The following MEI4 variants were observed in gnomAD, a reference collection of about 807,000 sequenced individuals.
The protein encoded by MEI4 is meiotic double-stranded break formation protein 4.
In MEI4, 27 loss-of-function variants were observed where a neutral mutation model predicts 31.4. That is an observed-to-expected ratio of 0.86 (90% confidence interval 0.63 to 1.19). MEI4 has a LOEUF of 1.19. MEI4 is among the 50% of genes most tolerant of loss of function. The pLI, the probability that MEI4 is intolerant of heterozygous loss-of-function variation, is 0.00. For missense variants in MEI4, 329 were observed against 398.9 expected (o/e 0.82, Z 1.49); for synonymous variants, 122 against 145.4 (o/e 0.84, Z 1.16).
chr6:77,751,134 G>A (rs757208996), intron 2 of MEI4, among the ~76,000 whole-genome samples: 1 of 151,994 alleles, frequency 6.6e-6, no homozygotes, highest in African/African-American at 2.4e-5. Context: ...AGAGAGAAAT[G>A]TATAGCACTA....
intron 2 of MEI4, among the ~76,000 whole-genome samples, chr6:77,694,410 C>A (rs1769218158): frequency 6.6e-6 from 1 of 151,360 alleles, no homozygotes; most frequent in Non-Finnish European, 1.5e-5. Context: ...TATCCCTCCC[C>A]CTTCCCCCCA....
At chr6:77,867,386 C>A (rs191154768) in intron 4 of MEI4, among the ~76,000 whole-genome samples, 53 of 152,022 alleles carry the variant, frequency 3.5e-4, no homozygotes, top group South Asian at 1.2e-3. Context: ...AAGAAATAAC[C>A]CCATCAACAA....
At chr6:77,910,527 A>G (rs1280298816) in intron 4 of MEI4, among the ~76,000 whole-genome samples, 5 of 152,228 alleles carry the variant, frequency 3.3e-5, no homozygotes, top group East Asian at 1.9e-4. Flanking sequence ...AAGGAGAACT[A>G]GAAACAACTG....
At chr6:77,915,729 C>G (rs1766530230) in intron 4 of MEI4, among the ~76,000 whole-genome samples, 1 of 151,864 alleles carries the variant, frequency 6.6e-6, no homozygotes, top group South Asian at 2.1e-4. Context: ...ATGTAATATA[C>G]AGTAGGGAAG....
At chr6:77,910,331 T>C (rs1766403798) in intron 4 of MEI4, among the ~76,000 whole-genome samples, 1 of 152,138 alleles carries the variant, frequency 6.6e-6, no homozygotes, top group Non-Finnish European at 1.5e-5. Flanking sequence ...CCCAAAATCT[T>C]CTTAAGCTGA....
chr6:77,908,796 C>A (rs983148803), intron 4 of MEI4, among the ~76,000 whole-genome samples: 7 of 152,062 alleles, frequency 4.6e-5, no homozygotes, highest in Admixed American at 4.6e-4. Flanking sequence ...ACAAGAAGAG[C>A]TAACTCTCCT....
intron 3 of MEI4, among the ~76,000 whole-genome samples, chr6:77,807,131 T>C (rs1301525870): frequency 1.4e-5 from 2 of 145,828 alleles, no homozygotes; most frequent in African/African-American, 5.2e-5. Flanking sequence ...TCTTTGGAAA[T>C]AGGTGTGCTT....
chr6:77,916,462 G>A (rs138841776), intron 4 of MEI4, among the ~76,000 whole-genome samples: 3 of 152,010 alleles, frequency 2.0e-5, no homozygotes, highest in Non-Finnish European at 4.4e-5. Flanking sequence ...GGCACATGGT[G>A]TTGGTTAGTT....
intron 1 of MEI4, among the ~76,000 whole-genome samples, chr6:77,686,096 AC>A (rs1459135234): frequency 1.3e-5 from 2 of 152,090 alleles, no homozygotes; most frequent in Non-Finnish European, 2.9e-5. Context: ...CATGTGACAC[AC>A]TAGCTCCCTG....
intron 4 of MEI4, among the ~76,000 whole-genome samples, chr6:77,866,134 G>A (rs1771021095): frequency 1.3e-5 from 2 of 151,872 alleles, no homozygotes; most frequent in African/African-American, 4.9e-5. Flanking sequence ...TACTGAATGG[G>A]CAAAAACTGG....
intron 4 of MEI4, among the ~76,000 whole-genome samples, chr6:77,868,589 A>C (rs2063601): frequency 0.82 from 116,416 of 141,144 alleles, 48,544 homozygotes; most frequent in East Asian, 0.95. Context: ...AAACTCCCCT[A>C]TTGATTCTCC....
intron 3 of MEI4, among the ~76,000 whole-genome samples, chr6:77,813,226 A>AT (rs1769614971): frequency 6.6e-6 from 1 of 152,044 alleles, no homozygotes; most frequent in Admixed American, 6.6e-5. Context: ...GCATGGTCCC[A>AT]TTTTTGCTTT....
At chr6:77,909,225 A>C (rs1766372927) in intron 4 of MEI4, among the ~76,000 whole-genome samples, 1 of 152,144 alleles carries the variant, frequency 6.6e-6, no homozygotes, top group Non-Finnish European at 1.5e-5. Context: ...AACTACATGG[A>C]TAGAGACACA....
chr6:77,754,726 G>C (rs1171284884), intron 2 of MEI4, among the ~76,000 whole-genome samples: 3 of 152,048 alleles, frequency 2.0e-5, no homozygotes, highest in African/African-American at 7.2e-5. Context: ...CACATGGCTG[G>C]GGTGGCCTCA....
At chr6:77,711,830 T>G (rs905597239) in intron 2 of MEI4, among the ~76,000 whole-genome samples, 1 of 152,238 alleles carries the variant, frequency 6.6e-6, no homozygotes, top group Non-Finnish European at 1.5e-5. Context: ...GTTGTATTTC[T>G]GCTCTTCTTC....
At chr6:77,827,157 A>G (rs552935248) in intron 3 of MEI4, among the ~76,000 whole-genome samples, 40 of 152,000 alleles carry the variant, frequency 2.6e-4, no homozygotes, top group Admixed American at 1.5e-3. Context: ...TTAGGAGATC[A>G]AGACCATCCT....
At chr6:77,704,628 C>T (rs1323432337) in intron 2 of MEI4, among the ~76,000 whole-genome samples, 2 of 152,120 alleles carry the variant, frequency 1.3e-5, no homozygotes, top group African/African-American at 4.8e-5. Flanking sequence ...AAGTGGGGCT[C>T]AGCAGTTTGT....
chr6:77,846,331 T>G (rs747782993), intron 4 of MEI4, among the ~76,000 whole-genome samples: 2 of 152,146 alleles, frequency 1.3e-5, no homozygotes, highest in Non-Finnish European at 2.9e-5. Flanking sequence ...TTTTTGTCAT[T>G]CGATGTGTTT....
chr6:77,713,902 C>T (rs1189084678), intron 2 of MEI4, among the ~76,000 whole-genome samples: 6 of 152,100 alleles, frequency 3.9e-5, no homozygotes, highest in Admixed American at 2.6e-4. Flanking sequence ...ATTGCCTCTA[C>T]AGTTTTTTTT....
Sources: allele counts gnomAD v4.1 joint callset (sites outside exome capture counted in the v4.1 genomes callset), GRCh38; gene constraint gnomAD v4.1.1; transcripts MANE v1.5; gene names NCBI Gene and HGNC (gene_info 2026-07-23, HGNC 2026-07-21).